RAB10: variants seen among roughly 807,000 people sequenced by gnomAD.
The protein encoded by RAB10 is RAB10, member RAS oncogene family, also known as ras-related protein Rab-10.
In RAB10, 5 loss-of-function variants were observed where a neutral mutation model predicts 25.7. That is an observed-to-expected ratio of 0.19 (90% confidence interval 0.10 to 0.41). RAB10 has a LOEUF of 0.41. Ranked by LOEUF, RAB10 falls within the 10% of genes least tolerant of loss-of-function variation. The pLI is 1.00. For synonymous variants in RAB10, 89 were observed against 86.4 expected (o/e 1.03, Z -0.16); for missense variants, 103 against 245.8 (o/e 0.42, Z 3.89).
chr2:26,073,287 C>T (rs1666666647), intron 1 of RAB10, among the ~76,000 whole-genome samples: 3 of 152,228 alleles, frequency 2.0e-5, no homozygotes, highest in Admixed American at 1.3e-4. Context: ...CAGAGATCAG[C>T]AAACTGCTGT....
At chr2:26,033,742 G>T (rs1363811966), upstream of RAB10, among the ~76,000 whole-genome samples, 1 of 152,130 alleles carries the variant, frequency 6.6e-6, no homozygotes, top group South Asian at 2.1e-4. Context: ...GGGGAAGGAG[G>T]TGCTGGGCTC....
intron 2 of RAB10, among the ~76,000 whole-genome samples, chr2:26,100,630 C>T (rs1214935787): frequency 6.6e-6 from 1 of 152,150 alleles, no homozygotes; most frequent in African/African-American, 2.4e-5. Flanking sequence ...AGGCCAGAGG[C>T]ATATCAATCT....
At chr2:26,122,883 C>T (rs1302931291) in intron 3 of RAB10, among the ~76,000 whole-genome samples, 1 of 151,882 alleles carries the variant, frequency 6.6e-6, no homozygotes, top group Non-Finnish European at 1.5e-5. Context: ...TTAAAAGTGT[C>T]CTATTCTCGG....
intron 5 of RAB10, among the ~76,000 whole-genome samples, chr2:26,131,488 T>C (rs994430618): frequency 8.5e-5 from 13 of 152,212 alleles, no homozygotes; most frequent in African/African-American, 3.1e-4. Flanking sequence ...AAATGTAAAC[T>C]TCCTTCACAT....
At chr2:26,079,113 G>C (rs1666804382) in intron 1 of RAB10, among the ~76,000 whole-genome samples, 1 of 152,148 alleles carries the variant, frequency 6.6e-6, no homozygotes, top group Non-Finnish European at 1.5e-5. Context: ...CTTGAACCTA[G>C]GAGGCGGAGG....
chr2:26,130,898 G>A (rs1574565812), intron 5 of RAB10, among the ~76,000 whole-genome samples: 1 of 152,074 alleles, frequency 6.6e-6, no homozygotes, highest in South Asian at 2.1e-4. Flanking sequence ...GATAAGACTG[G>A]CAGGAGTTAC....
intron 1 of RAB10, among the ~76,000 whole-genome samples, chr2:26,076,935 GAAA>G (rs978711938): frequency 5.9e-5 from 7 of 119,432 alleles, no homozygotes; most frequent in East Asian, 2.4e-4. Flanking sequence ...CAAGAGCGAG[GAAA>G]AAAAAAGAGA....
intron 1 of RAB10, among the ~76,000 whole-genome samples, chr2:26,064,545 A>G (rs1192246104): frequency 6.6e-6 from 1 of 151,954 alleles, no homozygotes; most frequent in African/African-American, 2.4e-5. Context: ...GGTGTACACC[A>G]TGTTGCCCAG....
At chr2:26,073,191 T>TGG in intron 1 of RAB10, among the ~76,000 whole-genome samples, 1 of 152,296 alleles carries the variant, frequency 6.6e-6, no homozygotes, top group African/African-American at 2.4e-5. Context: ...GTTGTTGATT[T>TGG]TAAAAGTAGA....
chr2:26,038,728 C>G (rs1481914079), intron 1 of RAB10, among the ~76,000 whole-genome samples: 1 of 151,328 alleles, frequency 6.6e-6, no homozygotes, highest in Non-Finnish European at 1.5e-5. Context: ...CGAGACCATC[C>G]TGCCAAACAT....
chr2:26,062,426 C>T (rs1164037964), intron 1 of RAB10, among the ~76,000 whole-genome samples: 1 of 152,070 alleles, frequency 6.6e-6, no homozygotes, highest in Non-Finnish European at 1.5e-5. Context: ...GCCTGTAATC[C>T]CAGCACTTTG....
intron 1 of RAB10, among the ~76,000 whole-genome samples, 168 bp downstream of exon 1, chr2:26,034,903 T>C (rs2149259059): frequency 6.6e-6 from 1 of 152,322 alleles, no homozygotes; most frequent in East Asian, 1.9e-4. Context: ...GGGCGGGGTC[T>C]TCCCATGATT....
At chr2:26,059,980 A>T (rs542561615) in intron 1 of RAB10, among the ~76,000 whole-genome samples, 1 of 152,246 alleles carries the variant, frequency 6.6e-6, no homozygotes, top group Non-Finnish European at 1.5e-5. Flanking sequence ...TTGGGATTGC[A>T]TAGCATAGTT....
intron 1 of RAB10, among the ~76,000 whole-genome samples, chr2:26,037,594 G>A (rs1466246640): frequency 1.3e-5 from 2 of 151,806 alleles, no homozygotes; most frequent in African/African-American, 2.4e-5. Flanking sequence ...AGCCGAGATC[G>A]TGCCATTGCA....
chr2:26,037,780 A>G (rs1665795609), intron 1 of RAB10, among the ~76,000 whole-genome samples: 1 of 152,220 alleles, frequency 6.6e-6, no homozygotes, highest in Non-Finnish European at 1.5e-5. Context: ...AGCTATATAT[A>G]GAATATGTGA....
intron 1 of RAB10, among the ~76,000 whole-genome samples, chr2:26,058,859 A>G (rs1480947355): frequency 6.6e-6 from 1 of 152,078 alleles, no homozygotes; most frequent in Non-Finnish European, 1.5e-5. Context: ...CAGATCTACC[A>G]TTCTGCTTAC....
upstream of RAB10, among the ~76,000 whole-genome samples, chr2:26,033,695 G>A (rs1340518871): frequency 6.6e-6 from 1 of 152,190 alleles, no homozygotes; most frequent in African/African-American, 2.4e-5. Flanking sequence ...GCGCTGTGCA[G>A]AGAAACCGCA....
intron 1 of RAB10, among the ~76,000 whole-genome samples, chr2:26,038,441 C>G (rs1477632219): frequency 6.6e-6 from 1 of 151,944 alleles, no homozygotes; most frequent in Admixed American, 6.6e-5. Context: ...GGTGATCCAC[C>G]TGCCTCAGCC....
intron 3 of RAB10, among the ~76,000 whole-genome samples, chr2:26,117,977 G>A (rs1294044953): frequency 6.6e-6 from 1 of 152,098 alleles, no homozygotes; most frequent in East Asian, 1.9e-4. Flanking sequence ...ATAAAAAGAT[G>A]TTCTTTTTTT....
Sources: allele counts gnomAD v4.1 joint callset (sites outside exome capture counted in the v4.1 genomes callset), GRCh38; gene constraint gnomAD v4.1.1; transcripts MANE v1.5; gene names NCBI Gene and HGNC (gene_info 2026-07-23, HGNC 2026-07-21).